Variants in NLK observed in about 807,000 individuals in gnomAD.
The protein encoded by NLK is nemo like kinase.
Under a neutral mutation model 59.0 loss-of-function variants are expected in NLK, and 11 were observed. The ratio of observed to expected loss-of-function variants is 0.19; its 90% confidence interval spans 0.12 to 0.31. The LOEUF is 0.31. Ranked by LOEUF, NLK falls within the 10% of genes least tolerant of loss-of-function variation. The probability of loss-of-function intolerance (pLI) is 1.00; values close to 1 mark genes in which losing one functional copy is unlikely to be tolerated. For synonymous variants in NLK, 235 were observed against 235.9 expected, an observed-to-expected ratio of 1.00 and a Z score of 0.03; for missense variants, 410 against 661.1, an observed-to-expected ratio of 0.62 and a Z score of 4.16.
intron 1 of NLK, among the ~76,000 whole-genome samples, chr17:28,091,451 C>T (rs1198808505): frequency 1.3e-5 from 2 of 151,120 alleles, no homozygotes; most frequent in Non-Finnish European, 2.9e-5. Flanking sequence ...CATTTACACA[C>T]ATGTCTAAAA....
intron 2 of NLK, among the ~76,000 whole-genome samples, chr17:28,130,242 G>C (rs1427173792): frequency 6.6e-6 from 1 of 152,118 alleles, no homozygotes; most frequent in East Asian, 1.9e-4. Flanking sequence ...TGTCAGGCAT[G>C]AAGTCTGGAG....
chr17:28,137,890 C>A (rs1327977672), intron 3 of NLK, among the ~76,000 whole-genome samples: 1 of 151,870 alleles, frequency 6.6e-6, no homozygotes, highest in African/African-American at 2.4e-5. Context: ...AACTTTTTGT[C>A]TTCATAGTTT....
At chr17:28,123,205 G>T (rs561588547) in intron 2 of NLK, among the ~76,000 whole-genome samples, 2 of 152,096 alleles carry the variant, frequency 1.3e-5, no homozygotes, top group African/African-American at 4.8e-5. Flanking sequence ...ATTGAGTTTC[G>T]CATTGGCTTC....
At chr17:28,181,348 G>A (rs1597725963) in intron 7 of NLK, among the ~76,000 whole-genome samples, 1 of 151,964 alleles carries the variant, frequency 6.6e-6, no homozygotes, top group African/African-American at 2.4e-5. Context: ...GCAGTGAGCC[G>A]AGATCAGTCA....
intron 1 of NLK, among the ~76,000 whole-genome samples, chr17:28,090,238 C>T (rs1014643408): frequency 6.6e-6 from 1 of 152,192 alleles, no homozygotes; most frequent in African/African-American, 2.4e-5. Flanking sequence ...ATCCATTTCT[C>T]ACCTTCCAGC....
chr17:28,094,132 G>T (rs747333597), intron 1 of NLK, among the ~76,000 whole-genome samples: 14 of 152,156 alleles, frequency 9.2e-5, no homozygotes, highest in Non-Finnish European at 8.8e-5. Context: ...CAAATAAGAT[G>T]ACTTGTTTTT....
intron 4 of NLK, among the ~76,000 whole-genome samples, chr17:28,162,775 C>T (rs182545207): frequency 6.6e-6 from 1 of 152,148 alleles, no homozygotes; most frequent in African/African-American, 2.4e-5. Flanking sequence ...GCCCATTAGC[C>T]GGATATGGTG....
chr17:28,049,132 T>TA (rs1909161411), intron 1 of NLK, among the ~76,000 whole-genome samples: 1 of 152,210 alleles, frequency 6.6e-6, no homozygotes, highest in Admixed American at 6.5e-5. Flanking sequence ...ATGATAGACA[T>TA]AGTCAGTAGT....
chr17:28,154,374 T>C (rs1907613100), intron 3 of NLK, among the ~76,000 whole-genome samples: 1 of 152,180 alleles, frequency 6.6e-6, no homozygotes, highest in Non-Finnish European at 1.5e-5. Context: ...TCTGGCAGCC[T>C]GACCTATTCA....
intron 10 of NLK, among the ~76,000 whole-genome samples, chr17:28,194,088 G>C (rs543374581): frequency 2.0e-5 from 3 of 152,206 alleles, no homozygotes; most frequent in African/African-American, 4.8e-5. Flanking sequence ...TGCTTATAAG[G>C]CCCATTCAAA....
At chr17:28,145,851 G>C (rs148175675) in intron 3 of NLK, among the ~76,000 whole-genome samples, 1,584 of 152,060 alleles carry the variant, frequency 0.01, 31 homozygotes, top group African/African-American at 0.037. Context: ...GATTACAGGT[G>C]CCCGCAACCA....
chr17:28,086,191 A>C (rs1297011013), intron 1 of NLK, among the ~76,000 whole-genome samples: 4 of 152,206 alleles, frequency 2.6e-5, no homozygotes, highest in African/African-American at 9.7e-5. Context: ...AGGATTTACA[A>C]GTTTTTTGTT....
In NLK at chr17:28,043,144, C is replaced by G; in HGVS notation, c.271C>G (p.Gln91Glu). The change falls in exon 1 of 11, where the codon CAG becomes GAG. Residue 91 changes from glutamine to glutamate, a missense_variant. Around this residue, in one of 5 missense-constraint regions of NLK, gnomAD observed 160 missense variants for 171.0 expected, o/e 0.94. Coordinates refer to ENST00000407008, the MANE Select transcript of NLK (RefSeq NM_016231.5). Reference sequence around the variant, plus strand: ...AGCCATGTTAAACCCTGGGCAACAACAGCCATATTTCCCATCACCGGCACC... The same window carrying G: ...AGCCATGTTAAACCCTGGGCAACAAGAGCCATATTTCCCATCACCGGCACC... ...AAAMLNPGQQQPYFPSPAPGQ... is the reference protein window; with the variant it reads ...AAAMLNPGQQEPYFPSPAPGQ... 6.2e-7 allele frequency: 1 copy of G among 1,612,732 alleles called. No homozygotes were observed. Among genetic ancestry groups the G allele is most frequent in the African/African-American group, 1.3e-5 (1 of 75,010 alleles).
At chr17:28,151,612 G>C (rs1331497618) in intron 3 of NLK, among the ~76,000 whole-genome samples, 1 of 152,138 alleles carries the variant, frequency 6.6e-6, no homozygotes, top group Non-Finnish European at 1.5e-5. Flanking sequence ...TTCTGCACAA[G>C]GGTAAATGGA....
intron 6 of NLK, chr17:28,171,270 T>G (rs1908453411): frequency 6.6e-6 from 1 of 152,182 alleles, no homozygotes; most frequent in Non-Finnish European, 1.5e-5. Flanking sequence ...GGCTACCCCA[T>G]GGTTTAGATA....
chr17:28,082,267 A>G (rs1224258872), intron 1 of NLK, among the ~76,000 whole-genome samples: 1 of 152,120 alleles, frequency 6.6e-6, no homozygotes, highest in East Asian at 1.9e-4. Context: ...ACTTATTAAG[A>G]TTGGCTTCTT....
At chr17:28,097,736 T>G (rs988236753) in intron 1 of NLK, among the ~76,000 whole-genome samples, 1 of 152,184 alleles carries the variant, frequency 6.6e-6, no homozygotes, top group African/African-American at 2.4e-5. Flanking sequence ...CTTGTACATT[T>G]TCAGTGTCTT....
At chr17:28,136,220 C>T (rs1051261568) in intron 3 of NLK, among the ~76,000 whole-genome samples, 2 of 152,174 alleles carry the variant, frequency 1.3e-5, no homozygotes, top group Admixed American at 1.3e-4. Flanking sequence ...AAAATTGACA[C>T]ATTACTCTCA....
At chr17:28,045,297 C>T (rs1490744612) in intron 1 of NLK, among the ~76,000 whole-genome samples, 1 of 152,194 alleles carries the variant, frequency 6.6e-6, no homozygotes, top group Non-Finnish European at 1.5e-5. Context: ...ATCCTTTTCT[C>T]CTCAGCGCCT....
Sources: gnomAD v4.1 joint callset for allele counts (sites outside exome capture counted in the v4.1 genomes callset) on GRCh38, gnomAD v4.1.1 for gene constraint, gnomAD v4.1.1 regional missense constraint, MANE v1.5 for transcripts, NCBI Gene and HGNC (gene_info 2026-07-23, HGNC 2026-07-21) for gene names.